DGKB: variants seen among roughly 807,000 people sequenced by gnomAD.
DGKB encodes the protein diacylglycerol kinase beta, also known as 90 kDa diacylglycerol kinase.
Under a neutral mutation model 114.3 loss-of-function variants are expected in DGKB, and 67 were observed. The observed-to-expected ratio is 0.59, with a 90% CI of 0.48 to 0.72. The LOEUF (loss-of-function observed/expected upper bound fraction) is 0.72. DGKB is among the 30% of genes least tolerant of loss of function. The pLI is 0.00. For synonymous variants in DGKB, 398 were observed against 323.1 expected, an observed-to-expected ratio of 1.23 and a Z score of -2.49; for missense variants, 907 against 975.2, an observed-to-expected ratio of 0.93 and a Z score of 0.93.
chr7:14,678,056 T>C (rs752813673), intron 12 of DGKB, among the ~76,000 whole-genome samples: 10 of 152,062 alleles, frequency 6.6e-5, no homozygotes, highest in African/African-American at 1.4e-4. Context: ...GAGATTTGAG[T>C]ATTACAGGAT....
intron 13 of DGKB, among the ~76,000 whole-genome samples, chr7:14,669,298 C>T (rs145339188): frequency 1.5e-3 from 229 of 152,242 alleles, no homozygotes; most frequent in Middle Eastern, 6.8e-3. Flanking sequence ...GATTTTACAA[C>T]GACCTAAATT....
intron 6 of DGKB, among the ~76,000 whole-genome samples, chr7:14,715,095 T>C (rs1827979723): frequency 6.6e-6 from 1 of 152,130 alleles, no homozygotes; most frequent in South Asian, 2.1e-4. Flanking sequence ...GTTTTAAAAA[T>C]GAACTCAGAT....
chr7:14,388,010 G>C (rs1433898828), intron 21 of DGKB, among the ~76,000 whole-genome samples: 3 of 151,336 alleles, frequency 2.0e-5, no homozygotes, highest in Admixed American at 6.6e-5. Context: ...CTCCCAAGTA[G>C]CTGGGATTAC....
chr7:14,235,681 G>A (rs1792652618), intron 23 of DGKB, among the ~76,000 whole-genome samples: 1 of 151,992 alleles, frequency 6.6e-6, no homozygotes, highest in Admixed American at 6.6e-5. Flanking sequence ...ACAGTTAAGG[G>A]CATTGGAAAA....
chr7:14,497,306 C>T (rs537591311), intron 20 of DGKB, among the ~76,000 whole-genome samples: 5 of 151,344 alleles, frequency 3.3e-5, no homozygotes, highest in Non-Finnish European at 5.9e-5. Flanking sequence ...ACCCACATAA[C>T]GAAAAACTAC....
chr7:14,626,529 G>C (rs1214281486), intron 14 of DGKB, among the ~76,000 whole-genome samples: 1 of 152,174 alleles, frequency 6.6e-6, no homozygotes, highest in South Asian at 2.1e-4. Flanking sequence ...AGATCTCTCT[G>C]ATGCAGAAAT....
chr7:14,533,194 C>A (rs942550263), intron 20 of DGKB, among the ~76,000 whole-genome samples: 1 of 151,742 alleles, frequency 6.6e-6, no homozygotes, highest in Non-Finnish European at 1.5e-5. Context: ...AATCCTACAG[C>A]TGAAGAAGAC....
At chr7:14,661,547 A>G (rs997562260) in intron 13 of DGKB, among the ~76,000 whole-genome samples, 13 of 151,280 alleles carry the variant, frequency 8.6e-5, no homozygotes, top group East Asian at 2.0e-4. Context: ...TTAAAAAGTC[A>G]GGAAACAACA....
intron 2 of DGKB, among the ~76,000 whole-genome samples, chr7:14,808,869 G>T (rs1362901070): frequency 6.6e-6 from 1 of 152,012 alleles, no homozygotes; most frequent in Non-Finnish European, 1.5e-5. Context: ...TTCCTCAACT[G>T]AAAATAGAGG....
chr7:14,736,198 G>C lies in DGKB; in HGVS notation c.169-4C>G, dbSNP rs56288033. Reference sequence around the variant, plus strand: ...TGAAACCTTCAAAATCTATTGTCTGGAAAAAAAAAATGTAAACATGTATTT... The same window carrying C: ...TGAAACCTTCAAAATCTATTGTCTGCAAAAAAAAAATGTAAACATGTATTT... On this transcript the variant is annotated splice_region_variant and splice_polypyrimidine_tract_variant and intron_variant, in intron 4 of 25. Coordinates refer to ENST00000402815, the MANE Select transcript of DGKB (RefSeq NM_001350709.2). The C allele has an allele frequency of 5.0e-3, 5,692 of 1,146,462 alleles. No homozygotes were observed. Among genetic ancestry groups the C allele is most frequent in the Non-Finnish European group, 5.4e-3 (4,680 of 866,470 alleles). 71.0% of individuals were successfully genotyped at this position (1,146,462 alleles called of 1,614,324 possible).
chr7:14,659,941 A>T (rs1047011930), intron 13 of DGKB, among the ~76,000 whole-genome samples: 30 of 151,758 alleles, frequency 2.0e-4, no homozygotes, highest in Admixed American at 5.9e-4. Flanking sequence ...TTTTAGCATG[A>T]AGGGTTGTTG....
intron 4 of DGKB, among the ~76,000 whole-genome samples, chr7:14,746,498 C>CT (rs1348101305): frequency 3.3e-5 from 5 of 151,866 alleles, no homozygotes; most frequent in African/African-American, 4.8e-5. Flanking sequence ...TTTAATTTTC[C>CT]TTTTTTTATT....
intron 6 of DGKB, among the ~76,000 whole-genome samples, chr7:14,702,612 T>C (rs974529099): frequency 1.3e-5 from 2 of 152,200 alleles, no homozygotes. Context: ...TTGAGATAAA[T>C]AGAGAAGACA....
At position 14,586,331 on chromosome 7, in the gene DGKB, C is replaced by T. The variant is rs1176949033; in HGVS notation, c.1434-3194G>A. 2.0e-5 allele frequency among the ~76,000 whole-genome samples: 3 copies of T among 150,270 alleles called. No individual in the cohort carries two copies. In the Admixed American group the frequency reaches 2.0e-4, roughly 10 times the overall value. On this transcript the variant is annotated intron_variant, in intron 17 of 25. Transcript: ENST00000402815. ...ACATTCCCTTAAGCTAAAGCCAAGT[C>T]CAGAGCAAGCCCCTAACTCTATTCA...
chr7:14,810,719 G>A (rs1041259400), intron 2 of DGKB, among the ~76,000 whole-genome samples: 2 of 133,874 alleles, frequency 1.5e-5, no homozygotes, highest in Non-Finnish European at 3.5e-5. Flanking sequence ...AGCGATTCGT[G>A]TGTCCCAGCC....
intron 21 of DGKB, among the ~76,000 whole-genome samples, chr7:14,439,138 G>C (rs2128808331): frequency 6.6e-6 from 1 of 152,102 alleles, no homozygotes; most frequent in South Asian, 2.1e-4. Context: ...TAAAGGAGGA[G>C]TTACTTTCAT....
chr7:14,887,834 C>T lies in DGKB; in HGVS notation c.-188+14758G>A, dbSNP rs889947933. Among the ~76,000 whole-genome samples the T allele has an allele frequency of 7.9e-5, 12 of 151,662 alleles. No individual in the cohort carries two copies. The East Asian group carries it at 1.6e-3, about 20-fold the overall frequency. ...ATATGCTACTTTAAAACTGCATTTC[C>T]GATGTCTAGAACAGCACCTGGCATC... On this transcript the variant is annotated intron_variant, in intron 1 of 25. Coordinates refer to ENST00000402815, the MANE Select transcript of DGKB (RefSeq NM_001350709.2).
intron 1 of DGKB, among the ~76,000 whole-genome samples, chr7:14,888,592 G>T (rs1185477478): frequency 1.3e-5 from 2 of 151,668 alleles, no homozygotes; most frequent in Non-Finnish European, 3.0e-5. Context: ...AAAATAAAAT[G>T]CCACTGGTAG....
intron 23 of DGKB, among the ~76,000 whole-genome samples, chr7:14,188,952 TGAA>T (rs1187039940): frequency 6.6e-6 from 1 of 151,798 alleles, no homozygotes; most frequent in East Asian, 1.9e-4. Context: ...TTTCCAGAAA[TGAA>T]GAAGAAATAA....
Sources: allele counts gnomAD v4.1 joint callset (sites outside exome capture counted in the v4.1 genomes callset), GRCh38; gene constraint gnomAD v4.1.1; transcripts MANE v1.5; gene names NCBI Gene and HGNC (gene_info 2026-07-23, HGNC 2026-07-21).